PTPRZ1: variants seen among roughly 807,000 people sequenced by gnomAD.
The protein encoded by PTPRZ1 is receptor-type tyrosine-protein phosphatase zeta.
PTPRZ1 carries 82 observed loss-of-function variants against 214.1 expected under a neutral mutation model. The observed-to-expected ratio is 0.38, with a 90% CI of 0.32 to 0.46. The LOEUF (loss-of-function observed/expected upper bound fraction) is 0.46. Among genes scored for constraint, PTPRZ1 ranks in the 20% least tolerant of loss-of-function variants. The pLI, the probability that PTPRZ1 is intolerant of heterozygous loss-of-function variation, is 1.00. For synonymous variants in PTPRZ1, 945 were observed against 987.9 expected, an observed-to-expected ratio of 0.96 and a Z score of 0.81; for missense variants, 2,603 against 2,748.7, an observed-to-expected ratio of 0.95 and a Z score of 1.19.
At chr7:121,917,044 C>G (rs546526767) in intron 1 of PTPRZ1, among the ~76,000 whole-genome samples, 1 of 152,328 alleles carries the variant, frequency 6.6e-6, no homozygotes, top group African/African-American at 2.4e-5. Flanking sequence ...TGCTAGCCAG[C>G]TAGACCGTAC....
intron 2 of PTPRZ1, among the ~76,000 whole-genome samples, chr7:121,949,555 T>G (rs1287656559): frequency 2.0e-5 from 3 of 152,166 alleles, no homozygotes; most frequent in Admixed American, 6.5e-5. Context: ...CGGAGAGTAT[T>G]TGGCAGAAGG....
chr7:121,919,089 G>A (rs1010063223), intron 1 of PTPRZ1, among the ~76,000 whole-genome samples: 4 of 152,024 alleles, frequency 2.6e-5, no homozygotes, highest in African/African-American at 9.6e-5. Context: ...GAGTTTTAAG[G>A]ATCTTGATAA....
chr7:122,029,216 C>G (rs1799300428), intron 14 of PTPRZ1, among the ~76,000 whole-genome samples: 1 of 151,312 alleles, frequency 6.6e-6, no homozygotes, highest in African/African-American at 2.4e-5. Flanking sequence ...AAATGTTGAA[C>G]AGTTGAATAT....
chr7:122,010,713 C>A lies in PTPRZ1; in HGVS notation c.1667C>A (p.Thr556Asn), dbSNP rs1193148809. The A allele has an allele frequency of 6.2e-7, 1 of 1,613,978 alleles. No homozygotes were observed. The highest frequency in any genetic ancestry group is 1.7e-5 in the Admixed American group (1 of 59,986). The change falls in exon 12 of 30, where the codon ACT becomes AAT. Residue 556 changes from threonine to asparagine, a missense_variant. By Grantham distance (65) the Thr-to-Asn change is moderately conservative (BLOSUM62 0). Coordinates refer to ENST00000393386, the MANE Select transcript of PTPRZ1 (RefSeq NM_002851.3). ...TCTCCACATATGAACTTGTCGGGGA[C>A]TGCAGAATCCTTAAATACAGTTTCT... ...LRSPHMNLSG[T>N]AESLNTVSIT...
intron 1 of PTPRZ1, among the ~76,000 whole-genome samples, chr7:121,892,679 CATATATATATATAT>C (rs58030102): frequency 0.094 from 9,202 of 98,088 alleles, 540 homozygotes; most frequent in African/African-American, 0.11. Context: ...TCAAGCATCT[CATATATATATATAT>C]ATATATATAT....
At chr7:121,987,121 T>C (rs1413853566) in intron 8 of PTPRZ1, among the ~76,000 whole-genome samples, 1 of 152,218 alleles carries the variant, frequency 6.6e-6, no homozygotes, top group African/African-American at 2.4e-5. Flanking sequence ...GTTTTGTATC[T>C]TTATGGCCAT....
At chr7:121,945,528 T>C (rs182983877) in intron 2 of PTPRZ1, among the ~76,000 whole-genome samples, 163 of 152,282 alleles carry the variant, frequency 1.1e-3, no homozygotes, top group African/African-American at 3.7e-3. Flanking sequence ...TCAGACTCAA[T>C]ATTCCCCCTT....
In PTPRZ1 at chr7:122,033,604, G is replaced by A. The variant is rs553910798; in HGVS notation, c.5167-491G>A. 2.0e-5 allele frequency among the ~76,000 whole-genome samples: 3 copies of A among 151,904 alleles called. No homozygotes were observed. In the East Asian group the frequency reaches 5.8e-4, roughly 29 times the overall value. The stretch of plus-strand genomic sequence containing the variant: ...TGTGTATGATTTTTAAAATTTTTAG[G>A]AAATGATTAATGTTTTGATAGCCTT... On this transcript the variant is annotated intron_variant, in intron 15 of 29. Transcript: ENST00000393386.
rs1028250534 is a variant in PTPRZ1, at chr7:122,012,739, A to G, written c.3693A>G (p.Ser1231=). ...MLHLIVSNSA[S]SENMLHSTSV... is the part of the protein sequence containing the mutation. ...ATCTCATTGTATCAAATTCTGCTTC[A>G]AGTGAAAACATGCTGCACTCTACAT... Residue 1231 remains serine (S), a synonymous_variant, in exon 12 of 30, where the codon TCA becomes TCG. Coordinates refer to ENST00000393386, the MANE Select transcript of PTPRZ1 (RefSeq NM_002851.3). The G allele has an allele frequency of 6.2e-7, 1 of 1,610,216 alleles. No individual in the cohort carries two copies. The highest frequency in any genetic ancestry group is 8.5e-7 in the Non-Finnish European group (1 of 1,176,638).
intron 3 of PTPRZ1, among the ~76,000 whole-genome samples, chr7:121,968,563 C>G (rs891951306): frequency 6.6e-6 from 1 of 150,630 alleles, no homozygotes; most frequent in Admixed American, 6.6e-5. Flanking sequence ...CCTAGCTCTT[C>G]TATATAGAAG....
chr7:122,051,809 A>G, intron 24 of PTPRZ1, 57 bp from the exon 25 acceptor site: 1 of 1,377,666 alleles, frequency 7.3e-7, no homozygotes, highest in Non-Finnish European at 1.0e-6. Flanking sequence ...TGTGAGCATG[A>G]GTTGTTTTGT....
chr7:121,961,794 G>A (rs1796888881), intron 2 of PTPRZ1, among the ~76,000 whole-genome samples: 1 of 152,246 alleles, frequency 6.6e-6, no homozygotes. Flanking sequence ...AATACAGTAT[G>A]TTAAGTGCTT....
chr7:121,940,483 CA>C (rs1379608299), intron 2 of PTPRZ1, among the ~76,000 whole-genome samples: 1 of 152,110 alleles, frequency 6.6e-6, no homozygotes. Flanking sequence ...GATGGGAATA[CA>C]AGCTCCAGAG....
chr7:121,959,953 T>C (rs1226807124), intron 2 of PTPRZ1, among the ~76,000 whole-genome samples: 3 of 152,230 alleles, frequency 2.0e-5, no homozygotes, highest in Non-Finnish European at 4.4e-5. Flanking sequence ...AGGCAACTGG[T>C]GCTAGATGCT....
intron 1 of PTPRZ1, among the ~76,000 whole-genome samples, chr7:121,920,496 C>T (rs1298496323): frequency 2.6e-5 from 4 of 151,846 alleles, no homozygotes; most frequent in Non-Finnish European, 4.4e-5. Context: ...TTTGTATATA[C>T]GTTGATATTT....
intron 23 of PTPRZ1, 47 bp from the exon 24 acceptor site, chr7:122,051,381 G>A: frequency 7.3e-7 from 1 of 1,368,130 alleles, no homozygotes; most frequent in East Asian, 2.3e-5. Flanking sequence ...GTGTATTTGG[G>A]GGACTTAAAT....
chr7:121,877,696 A>G (rs1266328477), intron 1 of PTPRZ1, among the ~76,000 whole-genome samples: 1 of 152,220 alleles, frequency 6.6e-6, no homozygotes, highest in Non-Finnish European at 1.5e-5. Flanking sequence ...CAACCCAGTT[A>G]ATCTGATTCA....
rs1171192678 is a variant in PTPRZ1, at chr7:121,971,716, C to T, written c.305-825C>T. The stretch of plus-strand genomic sequence containing the variant: ...TAAGTGATATGTAAATGTTGGCTGT[C>T]GTTGTTATTGTGCTTGTTATTATTA... On this transcript the variant is annotated intron_variant, in intron 3 of 29. Transcript: ENST00000393386. Among the ~76,000 whole-genome samples, 9 of 152,164 alleles carry T rather than the reference C, an allele frequency of 5.9e-5. 1 individual carries two copies. The highest frequency in any genetic ancestry group is 5.2e-4 in the Admixed American group (8 of 15,286).
chr7:121,941,451 A>G (rs1169285759), intron 2 of PTPRZ1, among the ~76,000 whole-genome samples: 3 of 152,184 alleles, frequency 2.0e-5, no homozygotes, highest in Non-Finnish European at 2.9e-5. Context: ...AGCCTTGTGT[A>G]TGGTCTTCTT....
Sources: allele counts gnomAD v4.1 joint callset (sites outside exome capture counted in the v4.1 genomes callset), GRCh38; gene constraint gnomAD v4.1.1; transcripts MANE v1.5; gene names NCBI Gene and HGNC (gene_info 2026-07-23, HGNC 2026-07-21).